PRRX2: variants seen among roughly 807,000 people sequenced by gnomAD.
PRRX2 encodes the protein paired mesoderm homeobox protein 2.
In PRRX2, 11 loss-of-function variants were observed where a neutral mutation model predicts 18.0. That is an observed-to-expected ratio of 0.61 (90% CI 0.39 to 1.01). The LOEUF is 1.01. PRRX2 is among the 50% of genes least tolerant of loss of function. PRRX2 has a pLI of 0.01. For synonymous variants in PRRX2, 177 were observed against 154.8 expected (o/e 1.14, Z -1.06); for missense variants, 387 against 351.0 (o/e 1.10, Z -0.82).
chr9:129,694,805 T>TG (rs1482323851), intron 1 of PRRX2, among the ~76,000 whole-genome samples: 1 of 152,098 alleles, frequency 6.6e-6, no homozygotes, highest in Non-Finnish European at 1.5e-5. Context: ...GGGGAGTCCA[T>TG]GGGGGGCAGC....
chr9:129,685,324 C>T (rs1832288158), intron 1 of PRRX2, among the ~76,000 whole-genome samples: 2 of 152,250 alleles, frequency 1.3e-5, no homozygotes, highest in African/African-American at 4.8e-5. Flanking sequence ...GCCGTGCCAT[C>T]ACAGGCAGTC....
rs149221750 is a variant in PRRX2, at chr9:129,684,394, GACAC to G, written c.259+18276_259+18279del. Among the ~76,000 whole-genome samples the G allele has an allele frequency of 1.7e-3, 244 of 147,296 alleles. 1 individual carries two copies. Among genetic ancestry groups the G allele is most frequent in the African/African-American group, 5.8e-3 (234 of 40,104 alleles). ...TGGCTTCACCCTTTCCTATAGAGGAGACACACACACAGAGAGAGACACACACAGA... is the reference window on the plus strand; with the variant it reads ...TGGCTTCACCCTTTCCTATAGAGGAGACACACAGAGAGAGACACACACAGA... On this transcript the variant is annotated intron_variant, in intron 1 of 3. Transcript: ENST00000372469.
At position 129,709,799 on chromosome 9, in the gene PRRX2, G is replaced by A. The variant is rs1030286329; in HGVS notation, c.260-9432G>A. On this transcript the variant is annotated intron_variant, in intron 1 of 3. Coordinates refer to ENST00000372469, the MANE Select transcript of PRRX2 (RefSeq NM_016307.4). The surrounding 1 kb of genome is among the most constrained non-coding windows in gnomAD (Gnocchi z 4.2). ...CCAGCCTCTTCCTCACTCGGAGGAC[G>A]TGTCCTCACCAGGCCTCCATGGCTC... Among the ~76,000 whole-genome samples the A allele has an allele frequency of 4.6e-5, 7 of 151,770 alleles. No homozygotes were observed. Among genetic ancestry groups the A allele is most frequent in the Non-Finnish European group, 1.0e-4 (7 of 67,932 alleles).
intron 1 of PRRX2, among the ~76,000 whole-genome samples, chr9:129,704,016 G>C (rs1339274696): frequency 6.6e-6 from 1 of 152,258 alleles, no homozygotes; most frequent in Non-Finnish European, 1.5e-5. Flanking sequence ...CCAGGACAGA[G>C]AGAACTGACT....
chr9:129,704,980 G>T (rs1588171908), intron 1 of PRRX2, among the ~76,000 whole-genome samples: 1 of 152,168 alleles, frequency 6.6e-6, no homozygotes, highest in Non-Finnish European at 1.5e-5. Context: ...CTTTCCTCCC[G>T]ATACCAGCGC....
Position 129,720,793 on chromosome 9 carries a change from T to C in PRRX2, c.626+19T>C, listed in dbSNP as rs1564157432. ...CCTACAGGTGAGAGCGGGAACACCT[T>C]TGGGCCAGGAAGGGGCAGCTCGAGG... On this transcript the variant is annotated intron_variant, in intron 3 of 3. Coordinates refer to ENST00000372469, the MANE Select transcript of PRRX2 (RefSeq NM_016307.4). 1 of 1,536,972 alleles carries C rather than the reference T, an allele frequency of 6.5e-7. No homozygotes were observed. Among genetic ancestry groups the C allele is most frequent in the Non-Finnish European group, 8.8e-7 (1 of 1,139,812 alleles).
At chr9:129,674,816 C>A (rs981570600) in intron 1 of PRRX2, among the ~76,000 whole-genome samples, 5 of 152,148 alleles carry the variant, frequency 3.3e-5, no homozygotes, top group Non-Finnish European at 7.3e-5. Context: ...TCCCCATCTG[C>A]AAGACAAGAA....
intron 1 of PRRX2, among the ~76,000 whole-genome samples, chr9:129,699,435 A>ATGTGTGTG (rs966193468): frequency 7.0e-6 from 1 of 142,578 alleles, no homozygotes; most frequent in African/African-American, 2.8e-5. Context: ...AAAAAAATAT[A>ATGTGTGTG]TATATGTGTG....
chr9:129,680,864 C>T (rs994859652), intron 1 of PRRX2, among the ~76,000 whole-genome samples: 3 of 152,218 alleles, frequency 2.0e-5, no homozygotes, highest in Non-Finnish European at 4.4e-5. Context: ...GCTTTATTTT[C>T]CACAGCACAA....
intron 1 of PRRX2, among the ~76,000 whole-genome samples, chr9:129,673,929 G>A (rs373359624): frequency 1.1e-4 from 16 of 152,286 alleles, no homozygotes; most frequent in African/African-American, 3.8e-4. Context: ...GAGATGGGGT[G>A]CCCGGCGGTC....
intron 1 of PRRX2, among the ~76,000 whole-genome samples, chr9:129,667,138 G>A (rs566730047): frequency 4.0e-5 from 4 of 99,834 alleles, no homozygotes; most frequent in Admixed American, 3.9e-4. Flanking sequence ...CCTGCGACAC[G>A]CCTGCCTTTC....
intron 1 of PRRX2, among the ~76,000 whole-genome samples, chr9:129,706,655 G>A (rs1467640901): frequency 1.3e-5 from 2 of 152,166 alleles, no homozygotes; most frequent in East Asian, 3.8e-4. Context: ...TTGAGCCTAG[G>A]AGTTCGAGGC....
intron 1 of PRRX2, among the ~76,000 whole-genome samples, chr9:129,692,566 C>T (rs1475240012): frequency 6.6e-6 from 1 of 152,178 alleles, no homozygotes; most frequent in Admixed American, 6.6e-5. Flanking sequence ...TTCATCCGTC[C>T]CTCCTGCAGC....
At chr9:129,687,077 C>T (rs766958393) in intron 1 of PRRX2, among the ~76,000 whole-genome samples, 8 of 152,216 alleles carry the variant, frequency 5.3e-5, no homozygotes, top group Non-Finnish European at 1.0e-4. Flanking sequence ...AGATCTGCTT[C>T]TTCAGGTGCC....
intron 1 of PRRX2, among the ~76,000 whole-genome samples, chr9:129,667,704 C>T (rs1832043006): frequency 6.7e-6 from 1 of 150,160 alleles, no homozygotes; most frequent in Non-Finnish European, 1.5e-5. Context: ...GCTGTGGGGA[C>T]AGCCAGGGAA....
chr9:129,669,849 A>G (rs1832078092), intron 1 of PRRX2, among the ~76,000 whole-genome samples: 1 of 151,878 alleles, frequency 6.6e-6, no homozygotes, highest in Admixed American at 6.6e-5. Context: ...AAGATGCCTA[A>G]CATCAGATTG....
chr9:129,697,487 G>A lies in PRRX2; in HGVS notation c.260-21744G>A, dbSNP rs1389101415. Among the ~76,000 whole-genome samples the A allele has an allele frequency of 9.3e-5, 14 of 151,176 alleles. No individual in the cohort carries two copies. In the East Asian group the frequency reaches 2.7e-3, roughly 29 times the overall value. ...GAGGCAGGCGCCAGGGGCTCGTCTG[G>A]AACCAGATGTGCCGCGGCGCCGCTC... On this transcript the variant is annotated intron_variant, in intron 1 of 3. Coordinates refer to ENST00000372469, the MANE Select transcript of PRRX2 (RefSeq NM_016307.4).
chr9:129,669,840 AGATGCCTAACATCAGATTGACCAT>A (rs976153250), intron 1 of PRRX2, among the ~76,000 whole-genome samples: 2 of 152,000 alleles, frequency 1.3e-5, no homozygotes, highest in Non-Finnish European at 2.9e-5. Flanking sequence ...TTGCGATAAA[AGATGCCTAACATCAGATTGACCAT>A]TTTCACCATT....
intron 1 of PRRX2, among the ~76,000 whole-genome samples, chr9:129,687,302 G>A (rs987630917): frequency 6.6e-6 from 1 of 152,204 alleles, no homozygotes; most frequent in African/African-American, 2.4e-5. Context: ...GGCAAAAGTG[G>A]CCTCGAGGCC....
Sources: gnomAD v4.1 joint callset for allele counts (sites outside exome capture counted in the v4.1 genomes callset) on GRCh38, gnomAD v4.1.1 for gene constraint, Gnocchi (gnomAD v3.1) non-coding constraint, MANE v1.5 for transcripts, NCBI Gene and HGNC (gene_info 2026-07-23, HGNC 2026-07-21) for gene names.